Variants in OR9Q1 observed in about 807,000 individuals in gnomAD.
The protein encoded by OR9Q1 is olfactory receptor family 9 subfamily Q member 1, also known as olfactory receptor 9Q1.
For missense variants in OR9Q1, 374 were observed against 378.8 expected (o/e 0.99, Z 0.11); for synonymous variants, 153 against 148.6 (o/e 1.03, Z -0.22).
chr11:58,029,941 A>T (rs145142233), intron 1 of OR9Q1, among the ~76,000 whole-genome samples: 6,055 of 151,134 alleles, frequency 0.04, 122 homozygotes, highest in East Asian at 0.061. Context: ...TCCTGGATTC[A>T]AGTGATTCTC....
chr11:58,083,514 G>T (rs1340343763), intron 2 of OR9Q1, among the ~76,000 whole-genome samples: 4 of 151,716 alleles, frequency 2.6e-5, no homozygotes, highest in Non-Finnish European at 5.9e-5. Context: ...TTGTTTTGAG[G>T]ACTGAGTCAT....
chr11:58,090,987 T>C (rs1313844573), intron 2 of OR9Q1, among the ~76,000 whole-genome samples: 1 of 152,202 alleles, frequency 6.6e-6, no homozygotes, highest in African/African-American at 2.4e-5. Flanking sequence ...TCGGTGGTGA[T>C]ATCCCCTTTA....
At chr11:58,150,868 C>T (rs144419926) in intron 2 of OR9Q1, among the ~76,000 whole-genome samples, 123 of 152,202 alleles carry the variant, frequency 8.1e-4, no homozygotes, top group African/African-American at 2.8e-3. Flanking sequence ...AGGAGGTATT[C>T]CAGAAGAAGG....
intron 2 of OR9Q1, chr11:58,116,712 C>T (rs1853958348): frequency 6.6e-6 from 1 of 152,146 alleles, no homozygotes; most frequent in South Asian, 2.1e-4. Context: ...CTTCACAATG[C>T]TGATGGAAAA....
chr11:58,136,994 C>A (rs1012724653), intron 2 of OR9Q1, among the ~76,000 whole-genome samples: 3 of 152,158 alleles, frequency 2.0e-5, no homozygotes, highest in Admixed American at 2.0e-4. Flanking sequence ...TTAGGTTGAA[C>A]CACAGTTTAT....
chr11:58,085,205 C>G (rs191096490), intron 2 of OR9Q1, among the ~76,000 whole-genome samples: 17 of 151,926 alleles, frequency 1.1e-4, no homozygotes, highest in Admixed American at 1.0e-3. Flanking sequence ...CAGAATAACA[C>G]ATTTTTCTAT....
chr11:58,098,282 CA>C (rs1480000850), intron 2 of OR9Q1, among the ~76,000 whole-genome samples: 2 of 152,094 alleles, frequency 1.3e-5, no homozygotes, highest in Non-Finnish European at 2.9e-5. Context: ...GACTCTTTAA[CA>C]GATATGTGAC....
At chr11:58,115,740 T>C (rs1449535728) in intron 2 of OR9Q1, among the ~76,000 whole-genome samples, 1 of 152,192 alleles carries the variant, frequency 6.6e-6, no homozygotes. Flanking sequence ...TATCTGTTTG[T>C]ATTTTTAAAT....
At position 58,130,045 on chromosome 11, in the gene OR9Q1, G is replaced by A. The variant is rs189919835; in HGVS notation, c.-14-49386G>A. On this transcript the variant is annotated intron_variant, in intron 2 of 2. Transcript: ENST00000335397. ...ACCCATCATATAGGTTTTAAGCCCC[G>A]CATGCATTAGGTATTTGTCCTAATG... Among the ~76,000 whole-genome samples the A allele has an allele frequency of 2.8e-4, 42 of 152,140 alleles. No individual in the cohort carries two copies. The East Asian group carries it at 5.4e-3, about 20-fold the overall frequency.
intron 2 of OR9Q1, among the ~76,000 whole-genome samples, chr11:58,158,744 A>G (rs552872100): frequency 6.6e-6 from 1 of 152,270 alleles, no homozygotes; most frequent in South Asian, 2.1e-4. Flanking sequence ...TTGGAATTGG[A>G]ACTATGAAAG....
intron 1 of OR9Q1, among the ~76,000 whole-genome samples, chr11:58,048,484 C>G (rs1414213158): frequency 8.2e-6 from 1 of 121,580 alleles, no homozygotes. Flanking sequence ...AACCCCACCT[C>G]TACTAAAAAT....
chr11:58,053,607 T>TAAAA lies in OR9Q1; in HGVS notation c.-92-2260_-92-2257dup, dbSNP rs1425174249. 4.4e-3 allele frequency among the ~76,000 whole-genome samples: 336 copies of TAAAA among 76,960 alleles called. 3 individuals carry two copies. The highest frequency in any genetic ancestry group is 0.016 in the African/African-American group (323 of 20,032). The allele number at this position is 76,960 out of a possible 152,430, so 50.5% of individuals were successfully genotyped here. ...AAAACTTAAAGTATAATAATAAAAT[T>TAAAA]AAAAAATATATATATATATAAAATA... On this transcript the variant is annotated intron_variant, in intron 1 of 2. Coordinates refer to ENST00000335397, the MANE Select transcript of OR9Q1 (RefSeq NM_001005212.4).
intron 2 of OR9Q1, chr11:58,118,266 A>G: frequency 2.5e-6 from 1 of 403,762 alleles, no homozygotes; most frequent in Non-Finnish European, 4.4e-6. Flanking sequence ...GAATATTAAG[A>G]GACTGCCCAG....
At chr11:58,118,311 TAAG>T in intron 2 of OR9Q1, 2 of 535,736 alleles carry the variant, frequency 3.7e-6, no homozygotes, top group Non-Finnish European at 6.6e-6. Context: ...AAGAAGGGGA[TAAG>T]AAGAAAGAAC....
chr11:58,109,485 C>T (rs1474942175), intron 2 of OR9Q1: 1 of 463,320 alleles, frequency 2.2e-6, no homozygotes, highest in Non-Finnish European at 4.3e-6. Flanking sequence ...GGAAGAAGTA[C>T]ACGGGGGTGT....
At chr11:58,151,221 T>C (rs766205812) in intron 2 of OR9Q1, among the ~76,000 whole-genome samples, 18 of 152,188 alleles carry the variant, frequency 1.2e-4, no homozygotes, top group Non-Finnish European at 2.4e-4. Context: ...GGAGATGTCA[T>C]ATAAAAAGTC....
intron 2 of OR9Q1, among the ~76,000 whole-genome samples, chr11:58,137,296 T>C (rs578146780): frequency 6.6e-6 from 1 of 152,328 alleles, no homozygotes; most frequent in East Asian, 1.9e-4. Flanking sequence ...TTGTTTCACG[T>C]GACTTTTATC....
At chr11:58,129,195 C>G (rs138472043) in intron 2 of OR9Q1, among the ~76,000 whole-genome samples, 2 of 151,498 alleles carry the variant, frequency 1.3e-5, no homozygotes, top group Non-Finnish European at 2.9e-5. Flanking sequence ...GTTGCCACAA[C>G]GTCCGATTAA....
chr11:58,141,970 G>T (rs1854254200), intron 2 of OR9Q1, among the ~76,000 whole-genome samples: 1 of 152,138 alleles, frequency 6.6e-6, no homozygotes, highest in South Asian at 2.1e-4. Context: ...CATATGTTTT[G>T]TAATCAGAGA....
Sources: allele counts gnomAD v4.1 joint callset (sites outside exome capture counted in the v4.1 genomes callset), GRCh38; gene constraint gnomAD v4.1.1; transcripts MANE v1.5; gene names NCBI Gene and HGNC (gene_info 2026-07-23, HGNC 2026-07-21).